FGF13: variants seen among roughly 807,000 people sequenced by gnomAD.
The protein encoded by FGF13 is fibroblast growth factor 13.
A neutral mutation model predicts 19.5 loss-of-function variants in FGF13; 2 were observed. The observed-to-expected ratio is 0.10, with a 90% CI of 0.04 to 0.32. FGF13 has a LOEUF of 0.32. Among genes scored for constraint, FGF13 ranks in the 10% least tolerant of loss-of-function variants. FGF13 has a pLI of 1.00. For synonymous variants in FGF13, 72 were observed against 76.9 expected (o/e 0.94, Z 0.33); for missense variants, 113 against 192.7 (o/e 0.59, Z 2.45).
chrX:139,131,382 GGTGTGTGTGTGTGTGTGT>G (rs10541863), intron 1 of FGF13, among the ~76,000 whole-genome samples: 5 of 91,447 alleles, frequency 5.5e-5, no homozygotes, highest in Non-Finnish European at 8.7e-5. Context: ...AATATAGAGG[GGTGTGTGTGTGTGTGTGT>G]GTGTGTGTGT....
chrX:138,934,410 T>C (rs1187035361), intron 1 of FGF13, among the ~76,000 whole-genome samples: 1 of 112,190 alleles, frequency 8.9e-6, no homozygotes, highest in African/African-American at 3.2e-5. Flanking sequence ...AAGTGCTTGG[T>C]TTGGCCATTT....
rs2089041883 is a variant in FGF13 at position 138,624,591 on chromosome X, T to G, written c.*8259A>C. 1 of 111,972 alleles carries G rather than the reference T, an allele frequency of 8.9e-6. No homozygotes were observed. Among genetic ancestry groups the G allele is most frequent in the African/African-American group, 3.2e-5 (1 of 30,827 alleles). The allele number at this position is 111,972 out of a possible 1,213,427, so 9.2% of individuals were successfully genotyped here. ...TCAGACTACATTAAATTAAAAAGTT[T>G]CAAAGCCAGGCATGGTGGCCCATGC... On this transcript the variant is annotated 3_prime_UTR_variant, in exon 5 of 5. Transcript: ENST00000315930.
chrX:138,946,314 G>A (rs1385198017), intron 1 of FGF13, among the ~76,000 whole-genome samples: 8 of 111,867 alleles, frequency 7.2e-5, no homozygotes, highest in African/African-American at 2.6e-4. Flanking sequence ...AAGAGGCTGG[G>A]GAGAAAAGAG....
At chrX:138,734,038 G>T (rs2090253388) in intron 1 of FGF13, among the ~76,000 whole-genome samples, 1 of 111,524 alleles carries the variant, frequency 9.0e-6, no homozygotes, top group Non-Finnish European at 1.9e-5. Context: ...GGACCAAAAG[G>T]CTGTTTGAAC....
chrX:138,808,552 A>C (rs2090891939), intron 3 of FGF13, among the ~76,000 whole-genome samples: 1 of 111,386 alleles, frequency 9.0e-6, no homozygotes, highest in Admixed American at 9.6e-5. Flanking sequence ...AAGAGCAAAC[A>C]TATTCGAAAG....
At position 138,913,678 on chromosome X, in the gene FGF13, AAGGAAGG is replaced by A. The variant is rs2091602878; in HGVS notation, c.-112-49035_-112-49029del. The stretch of plus-strand genomic sequence containing the variant: ...GAAGGAAGGAAGGAAGGAAGGAAGG[AAGGAAGG>A]AAGGAAGGAAGGAAGGAAGGAAAGA... On this transcript the variant is annotated intron_variant, in intron 1 of 2. Transcript: ENST00000421460. Among the ~76,000 whole-genome samples the A allele has an allele frequency of 2.9e-5, 3 of 103,664 alleles. No individual in the cohort carries two copies. The South Asian group carries it at 1.4e-3, about 49-fold the overall frequency. 90.0% of individuals were successfully genotyped at this position (103,664 alleles called of 115,157 possible).
rs187980078 is a variant in FGF13 at position 138,685,776 on chromosome X, G to T, written c.402+17208C>A. 2.7e-5 allele frequency among the ~76,000 whole-genome samples: 3 copies of T among 110,653 alleles called. No homozygotes were observed. In the Admixed American group the frequency reaches 2.9e-4, roughly 11 times the overall value. On this transcript the variant is annotated intron_variant, in intron 3 of 4. Coordinates refer to ENST00000315930, the MANE Select transcript of FGF13 (RefSeq NM_004114.5). ...CTATTTTTATAGCAAAGTTTATTTGGCATGTTACAAACTAAATTCCCTCAG... is the reference window on the plus strand; with the variant it reads ...CTATTTTTATAGCAAAGTTTATTTGTCATGTTACAAACTAAATTCCCTCAG...
chrX:138,993,858 C>G (rs904604320), intron 1 of FGF13, among the ~76,000 whole-genome samples: 1 of 111,620 alleles, frequency 9.0e-6, no homozygotes, highest in African/African-American at 3.3e-5. Flanking sequence ...TGTAAAAGTG[C>G]CTCTTACAGT....
chrX:138,872,847 C>T (rs897428493), intron 1 of FGF13, among the ~76,000 whole-genome samples: 1 of 111,205 alleles, frequency 9.0e-6, no homozygotes, highest in Non-Finnish European at 1.9e-5. Flanking sequence ...ATTCATTCTT[C>T]TCTGCTCCTT....
chrX:139,100,549 A>T (rs1044650952), intron 1 of FGF13, among the ~76,000 whole-genome samples: 1 of 111,528 alleles, frequency 9.0e-6, no homozygotes, highest in Non-Finnish European at 1.9e-5. Context: ...CAACTGAAAA[A>T]AAAACTTACG....
intron 1 of FGF13, among the ~76,000 whole-genome samples, chrX:139,056,652 T>C (rs763310207): frequency 2.7e-5 from 3 of 112,414 alleles, no homozygotes; most frequent in Non-Finnish European, 3.8e-5. Flanking sequence ...TGAGTAATAA[T>C]GTGGGTGTAA....
chrX:138,621,630 AG>A lies in FGF13; in HGVS notation c.*11219del, dbSNP rs2089016125. 1 of 111,769 alleles carries A rather than the reference AG, an allele frequency of 8.9e-6. No individual in the cohort carries two copies. The highest frequency in any genetic ancestry group is 1.9e-5 in the Non-Finnish European group (1 of 53,078). 9.2% of individuals were successfully genotyped at this position (111,769 alleles called of 1,213,427 possible). ...AACAGAAAAAAGTGAAATAGAAACT[AG>A]AAAAATAAAAAAGAGCAATAAAACT... On this transcript the variant is annotated 3_prime_UTR_variant, in exon 5 of 5. Transcript: ENST00000315930.
chrX:139,164,713 A>AAATAAAT (rs1347801566), intron 1 of FGF13, among the ~76,000 whole-genome samples: 4 of 109,400 alleles, frequency 3.7e-5, no homozygotes, highest in African/African-American at 6.7e-5. Context: ...ATAAATAAAT[A>AAATAAAT]AATAAATAAA....
chrX:138,772,922 G>T (rs1346494725), intron 3 of FGF13, among the ~76,000 whole-genome samples: 1 of 110,231 alleles, frequency 9.1e-6, no homozygotes, highest in African/African-American at 3.3e-5. Flanking sequence ...AGCTATAAAA[G>T]TATCTATAGT....
At chrX:138,739,330 G>A (rs1220318198) in exon 1 of FGF13, 1 of 1,161,245 alleles carries the variant, frequency 8.6e-7, no homozygotes, top group Admixed American at 2.4e-5. Context: ...CAGACACAGA[G>A]AGAGAGGAGA....
chrX:139,103,408 T>C (rs1046630137), intron 1 of FGF13, among the ~76,000 whole-genome samples: 6 of 112,159 alleles, frequency 5.3e-5, no homozygotes, highest in Non-Finnish European at 1.1e-4. Flanking sequence ...TAAGGCTAAG[T>C]GAAAGAAGCC....
intron 1 of FGF13, among the ~76,000 whole-genome samples, chrX:138,939,850 T>C (rs187661643): frequency 1.3e-3 from 142 of 112,199 alleles, no homozygotes; most frequent in African/African-American, 4.6e-3. Flanking sequence ...TCCATGTCTT[T>C]GCTCTTGTGA....
chrX:138,957,888 T>A (rs1393601103), intron 1 of FGF13, among the ~76,000 whole-genome samples: 10 of 112,416 alleles, frequency 8.9e-5, no homozygotes, highest in Non-Finnish European at 1.3e-4. Context: ...ATTCTGAGAC[T>A]TTGCTGAAGT....
intron 1 of FGF13, among the ~76,000 whole-genome samples, chrX:139,152,265 T>C (rs1368850175): frequency 6.5e-5 from 4 of 61,951 alleles, no homozygotes; most frequent in African/African-American, 2.5e-4. Context: ...CGAACTGTCA[T>C]AAAAAAAAAA....
Sources: allele counts gnomAD v4.1 joint callset (sites outside exome capture counted in the v4.1 genomes callset), GRCh38; gene constraint gnomAD v4.1.1; transcripts MANE v1.5; gene names NCBI Gene and HGNC (gene_info 2026-07-23, HGNC 2026-07-21).